MS4A6E: variants seen among roughly 807,000 people sequenced by gnomAD.
MS4A6E encodes the protein membrane-spanning 4-domains subfamily A member 6E.
Under a neutral mutation model 13.2 loss-of-function variants are expected in MS4A6E, and 8 were observed. The ratio of observed to expected loss-of-function variants is 0.60; its 90% CI spans 0.35 to 1.09. The LOEUF (loss-of-function observed/expected upper bound fraction) is 1.09. Among genes scored for constraint, MS4A6E ranks in the 50% least tolerant of loss-of-function variants. MS4A6E has a pLI of 0.02. For synonymous variants in MS4A6E, 72 were observed against 67.6 expected (o/e 1.06, Z -0.32); for missense variants, 177 against 171.1 (o/e 1.03, Z -0.19).
At chr11:60,335,798 G>C (rs2085185298) in intron 2 of MS4A6E, 2 of 316,308 alleles carry the variant, frequency 6.3e-6, no homozygotes, top group South Asian at 5.2e-5. Flanking sequence ...AATCTCTGAG[G>C]TGGATGTCAG....
intron 4 of MS4A6E, 27 bp from the exon 5 acceptor site, chr11:60,340,749 C>T (rs2085218715): frequency 5.0e-6 from 1 of 199,858 alleles, no homozygotes; most frequent in Non-Finnish European, 1.1e-5. Context: ...TTTGTTTCTT[C>T]TAAAGTGTGC....
Position 60,335,163 on chromosome 11 carries a change from G to A in MS4A6E, c.147+121G>A, listed in dbSNP as rs1420691613. 2.8e-5 allele frequency: 39 copies of A among 1,373,374 alleles called. No individual in the cohort carries two copies. In the Admixed American group the frequency reaches 7.0e-4, roughly 25 times the overall value. 85.1% of individuals were successfully genotyped at this position (1,373,374 alleles called of 1,614,324 possible). On this transcript the variant is annotated intron_variant, in intron 2 of 4. Coordinates refer to ENST00000684409, the MANE Select transcript of MS4A6E (RefSeq NM_139249.4). ...CCTTAAGTTTTGCTGGAGGGACTTT[G>A]GGGTAGAAGCCACTTGGAGAAAACT...
intron 1 of MS4A6E, among the ~76,000 whole-genome samples, chr11:60,333,874 A>C (rs916260621): frequency 6.6e-6 from 1 of 152,202 alleles, no homozygotes; most frequent in Non-Finnish European, 1.5e-5. Flanking sequence ...TCTGTTTCTG[A>C]GCTCTGCCAC....
At chr11:60,332,548 T>C (rs1377529975) in intron 1 of MS4A6E, among the ~76,000 whole-genome samples, 2 of 152,224 alleles carry the variant, frequency 1.3e-5, no homozygotes, top group Non-Finnish European at 2.9e-5. Flanking sequence ...ACCAGGGGAA[T>C]CTTCTATTCC....
At chr11:60,334,003 G>A (rs1237573230) in intron 1 of MS4A6E, among the ~76,000 whole-genome samples, 1 of 152,140 alleles carries the variant, frequency 6.6e-6, no homozygotes, top group Non-Finnish European at 1.5e-5. Flanking sequence ...AGTGAGACTC[G>A]ATCTGGAGAA....
chr11:60,329,565 C>T (rs1026962750), intron 1 of MS4A6E, among the ~76,000 whole-genome samples: 1 of 152,158 alleles, frequency 6.6e-6, no homozygotes, highest in African/African-American at 2.4e-5. Context: ...GAGGAATCAC[C>T]ACACTGTCTT....
intron 1 of MS4A6E, among the ~76,000 whole-genome samples, chr11:60,332,864 CTT>C (rs2085165612): frequency 1.3e-5 from 2 of 152,190 alleles, no homozygotes. Context: ...AAGATTTTAT[CTT>C]GTTAAAACAC....
At position 60,337,741 on chromosome 11, in the gene MS4A6E, G is replaced by A; in HGVS notation, c.148G>A (p.Val50Met). The A allele has an allele frequency of 6.2e-7, 1 of 1,614,178 alleles. No homozygotes were observed. Among genetic ancestry groups the A allele is most frequent in the South Asian group, 1.1e-5 (1 of 91,074 alleles). The change falls in exon 3 of 5, where the codon GTG becomes ATG. Residue 50 changes from valine to methionine, a missense_variant and splice_region_variant. Transcript: ENST00000684409. The part of the protein sequence containing the change: ...RLQAKVKVIG[V>M]HSSLAGSILS... ...TTCTTACCCAGCATGTCTCTTTCAGGTGCATAGCAGCCTGGCTGGAAGCAT... is the reference window on the plus strand; with the variant it reads ...TTCTTACCCAGCATGTCTCTTTCAGATGCATAGCAGCCTGGCTGGAAGCAT...
intron 1 of MS4A6E, among the ~76,000 whole-genome samples, chr11:60,329,752 GCTT>G (rs1229109848): frequency 2.0e-5 from 3 of 151,144 alleles, no homozygotes; most frequent in African/African-American, 4.9e-5. Context: ...GTGATGATGA[GCTT>G]TTTTTCCTAT....
At chr11:60,334,043 G>A (rs1417950198) in intron 1 of MS4A6E, among the ~76,000 whole-genome samples, 1 of 152,182 alleles carries the variant, frequency 6.6e-6, no homozygotes, top group African/African-American at 2.4e-5. Flanking sequence ...CTCCCTTAGG[G>A]AAGCAACAGG....
At chr11:60,346,040 A>C (rs2085254910), downstream of MS4A6E, among the ~76,000 whole-genome samples, 1 of 152,070 alleles carries the variant, frequency 6.6e-6, no homozygotes, top group Admixed American at 6.6e-5. Flanking sequence ...TGTTCATGAC[A>C]GTTTGAGCCA....
chr11:60,343,477 G>GT (rs1411601659), downstream of MS4A6E, among the ~76,000 whole-genome samples: 3 of 152,212 alleles, frequency 2.0e-5, no homozygotes, highest in Admixed American at 2.0e-4. Flanking sequence ...GTTGCAAATA[G>GT]TAGAGCGCAT....
intron 1 of MS4A6E, among the ~76,000 whole-genome samples, chr11:60,328,576 A>G (rs1223186337): frequency 6.6e-6 from 1 of 151,842 alleles, no homozygotes; most frequent in East Asian, 1.9e-4. Context: ...ATTCAGACTT[A>G]AAAAAGGAGA....
At chr11:60,335,936 A>G (rs2085186237) in intron 2 of MS4A6E, among the ~76,000 whole-genome samples, 1 of 152,138 alleles carries the variant, frequency 6.6e-6, no homozygotes, top group Non-Finnish European at 1.5e-5. Flanking sequence ...GAAGGGAACA[A>G]TGCACACTGG....
intron 4 of MS4A6E, among the ~76,000 whole-genome samples, chr11:60,347,410 C>A (rs77447142): frequency 1.3e-5 from 2 of 151,848 alleles, no homozygotes; most frequent in Non-Finnish European, 2.9e-5. Flanking sequence ...AAGTCTCCAC[C>A]GCAGTGGGCC....
At chr11:60,339,305 A>T (rs2085208787) in intron 3 of MS4A6E, among the ~76,000 whole-genome samples, 1 of 151,986 alleles carries the variant, frequency 6.6e-6, no homozygotes, top group African/African-American at 2.4e-5. Context: ...CAACAAAAAT[A>T]AAAAACATCC....
intron 1 of MS4A6E, among the ~76,000 whole-genome samples, chr11:60,327,683 G>A (rs537784298): frequency 6.6e-6 from 1 of 152,200 alleles, no homozygotes; most frequent in African/African-American, 2.4e-5. Context: ...TTAAAATGTG[G>A]GCAGTGAGTG....
intron 4 of MS4A6E, among the ~76,000 whole-genome samples, chr11:60,348,923 A>T (rs1324827140): frequency 6.6e-6 from 1 of 152,116 alleles, no homozygotes; most frequent in Non-Finnish European, 1.5e-5. Flanking sequence ...AATGGACAGA[A>T]TTGAGGTCCA....
At chr11:60,347,587 A>C (rs1182820307) in intron 4 of MS4A6E, among the ~76,000 whole-genome samples, 1 of 152,004 alleles carries the variant, frequency 6.6e-6, no homozygotes, top group Non-Finnish European at 1.5e-5. Context: ...CTGAGAAAAA[A>C]AAAAAAAAGG....
Sources: gnomAD v4.1 joint callset for allele counts (sites outside exome capture counted in the v4.1 genomes callset) on GRCh38, gnomAD v4.1.1 for gene constraint, MANE v1.5 for transcripts, NCBI Gene and HGNC (gene_info 2026-07-23, HGNC 2026-07-21) for gene names.